LRP1B: variants seen among roughly 807,000 people sequenced by gnomAD.
The protein encoded by LRP1B is low-density lipoprotein receptor-related protein 1B.
Under a neutral mutation model 556.6 loss-of-function variants are expected in LRP1B, and 217 were observed. That is an observed-to-expected ratio of 0.39 (90% CI 0.35 to 0.44). The LOEUF (loss-of-function observed/expected upper bound fraction) is 0.44. Among genes scored for constraint, LRP1B ranks in the 20% least tolerant of loss-of-function variants. The pLI is 1.00. For synonymous variants in LRP1B, 2,047 were observed against 1,865.8 expected (o/e 1.10, Z -2.50); for missense variants, 5,053 against 5,620.8 (o/e 0.90, Z 3.23).
chr2:141,970,148 T>G (rs1701689067), intron 1 of LRP1B, among the ~76,000 whole-genome samples: 1 of 151,670 alleles, frequency 6.6e-6, no homozygotes, highest in South Asian at 2.1e-4. Context: ...TCTATAGTGT[T>G]GTTTGAGATC....
At chr2:140,828,478 G>A (rs1053167562) in intron 31 of LRP1B, among the ~76,000 whole-genome samples, 14 of 148,316 alleles carry the variant, frequency 9.4e-5, no homozygotes, top group Admixed American at 8.1e-4. Context: ...GCGTGGTAGC[G>A]GGCGCCTGTA....
chr2:141,063,922 G>A (rs1304846406), intron 7 of LRP1B, among the ~76,000 whole-genome samples: 1 of 151,856 alleles, frequency 6.6e-6, no homozygotes, highest in Non-Finnish European at 1.5e-5. Flanking sequence ...GATGTGTAGA[G>A]ACTACGTTTA....
At chr2:142,093,329 T>C (rs570987431) in intron 1 of LRP1B, among the ~76,000 whole-genome samples, 19 of 152,258 alleles carry the variant, frequency 1.2e-4, no homozygotes, top group African/African-American at 4.3e-4. Flanking sequence ...TCACTTTTAC[T>C]GACCACAAAA....
intron 37 of LRP1B, among the ~76,000 whole-genome samples, chr2:140,714,657 G>A (rs939649590): frequency 5.3e-5 from 8 of 152,004 alleles, no homozygotes; most frequent in Non-Finnish European, 8.8e-5. Context: ...TGTATCTATG[G>A]GATTGCATAA....
At position 140,485,447 on chromosome 2, in the gene LRP1B, T is replaced by C. The variant is rs749339868; in HGVS notation, c.9321A>G (p.Glu3107=). The part of the protein sequence containing the change: ...IGKNLYWSDT[E]KRIIEVSKLN... ...GTTTGGATACTTCAATGATTCTTTT[T>C]TCTGTGTCAGACCAATAGAGGTTTT... Residue 3107 remains glutamate (E), a synonymous_variant, in exon 59 of 91, where the codon GAA becomes GAG. Transcript: ENST00000389484. 1.2e-6 allele frequency: 2 copies of C among 1,613,878 alleles called. No individual in the cohort carries two copies. Among genetic ancestry groups the C allele is most frequent in the African/African-American group, 2.7e-5 (2 of 74,914 alleles).
chr2:141,633,689 C>G (rs1170795289), intron 2 of LRP1B, among the ~76,000 whole-genome samples: 1 of 152,024 alleles, frequency 6.6e-6, no homozygotes, highest in Admixed American at 6.6e-5. Flanking sequence ...TGTTGTGCAA[C>G]TATCACCAAC....
chr2:140,575,132 CAA>C (rs1427985633), intron 43 of LRP1B, among the ~76,000 whole-genome samples: 2 of 152,226 alleles, frequency 1.3e-5, no homozygotes, highest in African/African-American at 4.8e-5. Context: ...GCGATGAACT[CAA>C]AAGAGTCCTG....
At position 140,532,501 on chromosome 2, in the gene LRP1B, A is replaced by G. The variant is rs188651440; in HGVS notation, c.7762+1520T>C. ...AACCTTCACCTCTCGGGTTCAAGCG[A>G]TTCTCCTGCCTCAGCATCCCGAGTA... On this transcript the variant is annotated intron_variant, in intron 47 of 90. Transcript: ENST00000389484. 1.8e-3 allele frequency among the ~76,000 whole-genome samples: 273 copies of G among 152,108 alleles called. 3 individuals carry two copies. Among genetic ancestry groups the G allele is most frequent in the Admixed American group, 3.9e-3 (59 of 15,262 alleles).
rs779867021 is a variant in LRP1B at position 140,702,531 on chromosome 2, C to T, written c.6046G>A (p.Gly2016Arg). ...GCCTTTCCAATACAGGGCATTTGTC[C>T]CCATTCAGTCCAGAACAAGAGGCTG... ...EKGLLFWTEW[G>R]QMPCIGKARL... The change falls in exon 38 of 91, where the codon GGA becomes AGA. Residue 2016 changes from glycine (G) to arginine (R), a missense_variant. This residue lies in a region of LRP1B where 3,619 missense variants were observed against 3,931.9 expected (regional missense o/e 0.92). Transcript: ENST00000389484. 15 of 1,613,192 alleles carry T rather than the reference C, an allele frequency of 9.3e-6. No homozygotes were observed. Among genetic ancestry groups the T allele is most frequent in the Non-Finnish European group, 1.2e-5 (14 of 1,179,490 alleles).
At chr2:141,436,579 T>TCTTGGGGAAAGGATATGCTAA (rs6146941) in intron 3 of LRP1B, among the ~76,000 whole-genome samples, 20 of 152,176 alleles carry the variant, frequency 1.3e-4, no homozygotes, top group African/African-American at 4.1e-4. Context: ...ATTACTGTTT[T>TCTTGGGGAAAGGATATGCTAA]CTCTCTTCTG....
intron 2 of LRP1B, among the ~76,000 whole-genome samples, chr2:141,624,123 A>G (rs1262550900): frequency 1.3e-5 from 2 of 151,600 alleles, no homozygotes; most frequent in Non-Finnish European, 2.9e-5. Flanking sequence ...GGGTATATGT[A>G]TATAGTCTAC....
chr2:141,624,008 T>C (rs1396592912), intron 2 of LRP1B, among the ~76,000 whole-genome samples: 21 of 35,180 alleles, frequency 6.0e-4, no homozygotes, highest in Non-Finnish European at 9.4e-4. Context: ...AGAGCAGAAC[T>C]CCAACTCAAA....
chr2:140,588,967 A>G (rs923198746), intron 43 of LRP1B, among the ~76,000 whole-genome samples: 68 of 19,638 alleles, frequency 3.5e-3, no homozygotes, highest in Admixed American at 6.6e-3. Flanking sequence ...CGTCTCAAAG[A>G]AAAAAAAAAA....
intron 2 of LRP1B, among the ~76,000 whole-genome samples, chr2:141,669,797 C>T (rs1240548004): frequency 6.6e-6 from 1 of 152,100 alleles, no homozygotes; most frequent in Admixed American, 6.6e-5. Context: ...CTCTGTCTTC[C>T]AGGCTGGAGT....
At chr2:140,822,016 A>G (rs1028594516) in intron 31 of LRP1B, among the ~76,000 whole-genome samples, 2 of 152,158 alleles carry the variant, frequency 1.3e-5, no homozygotes, top group Non-Finnish European at 1.5e-5. Flanking sequence ...AAAGAAAAAA[A>G]AAGAATAAAG....
At chr2:140,555,791 T>G (rs182176195) in intron 43 of LRP1B, among the ~76,000 whole-genome samples, 1 of 152,142 alleles carries the variant, frequency 6.6e-6, no homozygotes, top group Non-Finnish European at 1.5e-5. Context: ...GAGGTAAAAC[T>G]AATGTCTACT....
rs76256824 is a variant in LRP1B, at chr2:140,388,741, T to A, written c.10415-2732A>T. Among the ~76,000 whole-genome samples the A allele has an allele frequency of 9.6e-3, 1,457 of 152,284 alleles. 63 individuals are homozygous for A. In the East Asian group the frequency reaches 0.14, roughly 15 times the overall value. On this transcript the variant is annotated intron_variant, in intron 66 of 90. Coordinates refer to ENST00000389484, the MANE Select transcript of LRP1B (RefSeq NM_018557.3). ...ACACACGCACACAAAGAGACACATT[T>A]TAGAGGGGGAACTGTATGAGTAAGG...
At chr2:140,430,632 C>T (rs1685889026) in intron 66 of LRP1B, among the ~76,000 whole-genome samples, 1 of 152,206 alleles carries the variant, frequency 6.6e-6, no homozygotes, top group Non-Finnish European at 1.5e-5. Flanking sequence ...CTATCAATCT[C>T]TTCCCACACA....
At chr2:141,312,957 A>T (rs1212968177) in intron 3 of LRP1B, among the ~76,000 whole-genome samples, 1 of 152,188 alleles carries the variant, frequency 6.6e-6, no homozygotes, top group African/African-American at 2.4e-5. Context: ...CTGGGATTAT[A>T]GGCATGAGCC....
Sources: gnomAD v4.1 joint callset for allele counts (sites outside exome capture counted in the v4.1 genomes callset) on GRCh38, gnomAD v4.1.1 for gene constraint, gnomAD v4.1.1 regional missense constraint, MANE v1.5 for transcripts, NCBI Gene and HGNC (gene_info 2026-07-23, HGNC 2026-07-21) for gene names.